Variants in GRID2 observed in about 807,000 individuals in gnomAD.
The protein encoded by GRID2 is glutamate receptor ionotropic, delta-2.
GRID2 carries 33 observed loss-of-function variants against 114.8 expected under a neutral mutation model. The observed-to-expected ratio is 0.29, with a 90% CI of 0.22 to 0.38. The LOEUF (loss-of-function observed/expected upper bound fraction) is 0.38. Among genes scored for constraint, GRID2 ranks in the 10% least tolerant of loss-of-function variants. The pLI, the probability that GRID2 is intolerant of heterozygous loss-of-function variation, is 1.00. For missense variants in GRID2, 1,184 were observed against 1,257.7 expected, an observed-to-expected ratio of 0.94 and a Z score of 0.89; for synonymous variants, 505 against 449.9, an observed-to-expected ratio of 1.12 and a Z score of -1.55.
chr4:93,151,771 T>C (rs1321201322), intron 4 of GRID2, among the ~76,000 whole-genome samples: 1 of 152,128 alleles, frequency 6.6e-6, no homozygotes, highest in Non-Finnish European at 1.5e-5. Flanking sequence ...ACAATATTGT[T>C]TCTGGAGAAA....
intron 2 of GRID2, among the ~76,000 whole-genome samples, chr4:92,770,739 C>T (rs185501993): frequency 1.5e-3 from 232 of 152,134 alleles, no homozygotes; most frequent in Non-Finnish European, 2.4e-3. Flanking sequence ...ACGAGAAAAG[C>T]GCGGGAAAGA....
Position 93,216,792 on chromosome 4 carries a change from A to T in GRID2, c.844A>T (p.Thr282Ser). Residue 282 changes from threonine (T) to serine (S), a missense_variant, in exon 6 of 16, where the codon ACG becomes TCG. Around this residue, in one of 3 missense-constraint regions of GRID2, gnomAD observed 455 missense variants for 429.5 expected, o/e 1.06. Transcript: ENST00000282020. Reference sequence around the variant, plus strand: ...TGTAAGAAGGTCAATTGGAAGGTTAACGATTATTCGGCAGACATTTCCAGT... The same window carrying T: ...TGTAAGAAGGTCAATTGGAAGGTTATCGATTATTCGGCAGACATTTCCAGT... ...ELVRRSIGRLTIIRQTFPVPQ... is the reference protein window; with the variant it reads ...ELVRRSIGRLSIIRQTFPVPQ... 1 of 1,612,754 alleles carries T rather than the reference A, an allele frequency of 6.2e-7. No homozygotes were observed. The highest frequency in any genetic ancestry group is 8.5e-7 in the Non-Finnish European group (1 of 1,178,800).
At chr4:92,912,258 A>G (rs900399751) in intron 2 of GRID2, among the ~76,000 whole-genome samples, 3 of 151,898 alleles carry the variant, frequency 2.0e-5, no homozygotes, top group South Asian at 2.1e-4. Context: ...TATACTACAC[A>G]TGATGTTCAT....
intron 2 of GRID2, among the ~76,000 whole-genome samples, chr4:92,945,844 C>T (rs1310872473): frequency 1.3e-5 from 2 of 151,752 alleles, no homozygotes; most frequent in Non-Finnish European, 2.9e-5. Context: ...TTCAGGTCTG[C>T]CTCCCAACCC....
chr4:93,542,008 G>C (rs949408475), intron 13 of GRID2, among the ~76,000 whole-genome samples: 1 of 152,146 alleles, frequency 6.6e-6, no homozygotes, highest in Admixed American at 6.6e-5. Flanking sequence ...TTGCCATTTA[G>C]GCTGAAATGA....
chr4:92,353,598 T>C (rs1449480690), intron 1 of GRID2, among the ~76,000 whole-genome samples: 1 of 152,002 alleles, frequency 6.6e-6, no homozygotes, highest in Non-Finnish European at 1.5e-5. Context: ...CTCTGTTCCT[T>C]AGCTTGTGTT....
At chr4:92,988,044 A>T (rs892748014) in intron 2 of GRID2, among the ~76,000 whole-genome samples, 1 of 152,222 alleles carries the variant, frequency 6.6e-6, no homozygotes, top group Non-Finnish European at 1.5e-5. Flanking sequence ...TTTATTCAAT[A>T]ACTATTCATA....
In GRID2 at chr4:92,471,926, C is replaced by CTTTTTT. The variant is rs1186215701; in HGVS notation, c.89-118185_89-118180dup. ...CTTATTTGGGGATTTATCCATATTTCTTTTTTTTTTTTTTTTTTTTTTTTT... is the reference window on the plus strand; with the variant it reads ...CTTATTTGGGGATTTATCCATATTTCTTTTTTTTTTTTTTTTTTTTTTTTTTTTTTT... On this transcript the variant is annotated intron_variant, in intron 1 of 15. Coordinates refer to ENST00000282020, the MANE Select transcript of GRID2 (RefSeq NM_001510.4). 3.1e-3 allele frequency among the ~76,000 whole-genome samples: 178 copies of CTTTTTT among 57,340 alleles called. 2 individuals are homozygous for CTTTTTT. The highest frequency in any genetic ancestry group is 3.5e-3 in the Non-Finnish European group (112 of 32,150). The allele number at this position is 57,340 out of a possible 152,430, so 37.6% of individuals were successfully genotyped here.
intron 2 of GRID2, among the ~76,000 whole-genome samples, chr4:92,898,711 C>A (rs1747350114): frequency 6.6e-6 from 1 of 152,094 alleles, no homozygotes; most frequent in Admixed American, 6.5e-5. Context: ...ATTATTATTA[C>A]TAATGTAGCG....
chr4:93,748,707 A>ATAACTT (rs56383605), intron 14 of GRID2, among the ~76,000 whole-genome samples: 134,342 of 151,812 alleles, frequency 0.88, 59,443 homozygotes, highest in East Asian at 0.98. Flanking sequence ...CCCCAAAAAA[A>ATAACTT]TAATGTGTGC....
At chr4:93,051,632 C>A (rs1032693146) in intron 2 of GRID2, among the ~76,000 whole-genome samples, 1 of 151,992 alleles carries the variant, frequency 6.6e-6, no homozygotes, top group Admixed American at 6.6e-5. Flanking sequence ...GAATTTAATT[C>A]TGAAAGGAGT....
chr4:92,460,053 T>TATATATATATATATATATACAC (rs1032538170), intron 1 of GRID2, among the ~76,000 whole-genome samples: 13 of 99,766 alleles, frequency 1.3e-4, no homozygotes, highest in Non-Finnish European at 2.4e-4. Context: ...TATATATATA[T>TATATATATATATATATATACAC]ACACACACAA....
At chr4:93,030,633 C>A (rs576545558) in intron 2 of GRID2, among the ~76,000 whole-genome samples, 1 of 152,260 alleles carries the variant, frequency 6.6e-6, no homozygotes, top group African/African-American at 2.4e-5. Context: ...AATCCACCCA[C>A]TTTGGCCTCC....
chr4:92,883,231 A>G (rs1746143154), intron 2 of GRID2, among the ~76,000 whole-genome samples: 1 of 152,180 alleles, frequency 6.6e-6, no homozygotes, highest in African/African-American at 2.4e-5. Flanking sequence ...TTCTTTGCTC[A>G]TCCATAACAA....
At chr4:92,912,826 A>G (rs1357141448) in intron 2 of GRID2, among the ~76,000 whole-genome samples, 1 of 151,864 alleles carries the variant, frequency 6.6e-6, no homozygotes. Flanking sequence ...AAAAGTGCAT[A>G]AATACACATT....
At chr4:92,710,167 A>G (rs1339930356) in intron 2 of GRID2, among the ~76,000 whole-genome samples, 2 of 152,168 alleles carry the variant, frequency 1.3e-5, no homozygotes, top group African/African-American at 4.8e-5. Flanking sequence ...CATACCAATT[A>G]TCAAGTGTTT....
chr4:92,895,985 A>G (rs1747137402), intron 2 of GRID2, among the ~76,000 whole-genome samples: 1 of 152,196 alleles, frequency 6.6e-6, no homozygotes, highest in African/African-American at 2.4e-5. Context: ...AGAAAAATGA[A>G]ACAGTTTAGT....
At chr4:93,042,187 G>A (rs953505160) in intron 2 of GRID2, among the ~76,000 whole-genome samples, 9 of 151,570 alleles carry the variant, frequency 5.9e-5, no homozygotes, top group Non-Finnish European at 1.2e-4. Context: ...ACAGGCATGA[G>A]CCACTGCACC....
chr4:92,392,927 G>C (rs1730317256), intron 1 of GRID2, among the ~76,000 whole-genome samples: 1 of 152,094 alleles, frequency 6.6e-6, no homozygotes, highest in African/African-American at 2.4e-5. Context: ...TTCTTGCATT[G>C]CTATAAAGAA....
Sources: allele counts gnomAD v4.1 joint callset (sites outside exome capture counted in the v4.1 genomes callset), GRCh38; gene constraint gnomAD v4.1.1; regional missense constraint gnomAD v4.1.1; transcripts MANE v1.5; gene names NCBI Gene and HGNC (gene_info 2026-07-23, HGNC 2026-07-21).